The following CDC25B variants were observed in gnomAD, a reference collection of about 807,000 sequenced individuals.
CDC25B encodes M-phase inducer phosphatase 2.
Under a neutral mutation model 69.8 loss-of-function variants are expected in CDC25B, and 33 were observed. That is an observed-to-expected ratio of 0.47 (90% confidence interval 0.36 to 0.63). The LOEUF is 0.63. Among genes scored for constraint, CDC25B ranks in the 30% least tolerant of loss-of-function variants. The pLI, the probability that CDC25B is intolerant of heterozygous loss-of-function variation, is 0.00. For synonymous variants in CDC25B, 341 were observed against 314.6 expected (o/e 1.08, Z -0.89); for missense variants, 727 against 809.1 (o/e 0.90, Z 1.23).
At chr20:3,792,169 C>T (rs2088925949), upstream of CDC25B, among the ~76,000 whole-genome samples, 1 of 152,168 alleles carries the variant, frequency 6.6e-6, no homozygotes, top group Non-Finnish European at 1.5e-5. Flanking sequence ...CTACCTTGGC[C>T]TCCCAAAGTA....
In CDC25B at chr20:3,803,653, C is replaced by A; in HGVS notation, c.1490+116C>A. ...GTGCAAGTCCAGGTCCTCCTCTGTC[C>A]CATCTGATGGCCTAGAGCTGACCTC... On this transcript the variant is annotated intron_variant, in intron 14 of 15. Coordinates refer to ENST00000245960, the MANE Select transcript of CDC25B (RefSeq NM_021873.4). This position sits in a 1 kb window ranked among gnomAD's most constrained non-coding sequence, Gnocchi z 4.9. 1.5e-6 allele frequency: 2 copies of A among 1,320,144 alleles called. No individual in the cohort carries two copies. Among genetic ancestry groups the A allele is most frequent in the African/African-American group, 1.4e-5 (1 of 69,230 alleles). 81.8% of individuals were successfully genotyped at this position (1,320,144 alleles called of 1,614,324 possible).
In CDC25B at chr20:3,798,405, C is replaced by T; in HGVS notation, c.329-7C>T. 6.6e-7 allele frequency: 1 copy of T among 1,509,380 alleles called. No homozygotes were observed. Among genetic ancestry groups the T allele is most frequent in the Non-Finnish European group, 8.9e-7 (1 of 1,125,592 alleles). 93.5% of individuals were successfully genotyped at this position (1,509,380 alleles called of 1,614,324 possible). ...TACTTTCAAACCAAGGTGCTCTGTC[C>T]CCTCAGGTCTCTGCATGGATTCCCC... On this transcript the variant is annotated splice_polypyrimidine_tract_variant and splice_region_variant and intron_variant, in intron 2 of 15. Transcript: ENST00000245960.
rs527370740 is a variant in CDC25B at position 3,801,114 on chromosome 20, C to G, written c.705+21C>G. The G allele has an allele frequency of 3.1e-6, 5 of 1,613,174 alleles. No homozygotes were observed. In the African/African-American group the frequency reaches 4.0e-5, roughly 13 times the overall value. ...TGATGGTACATCCAGAGAGCGGATC[C>G]CTGGGAGGGGCCTGGGGAGGCAGCC... On this transcript the variant is annotated intron_variant, in intron 7 of 15. Transcript: ENST00000245960.
intron 1 of CDC25B, among the ~76,000 whole-genome samples, chr20:3,789,839 A>C (rs1401123299): frequency 6.6e-6 from 1 of 152,070 alleles, no homozygotes; most frequent in Non-Finnish European, 1.5e-5. Context: ...AATACAAAAA[A>C]TTAGCCGGGC....
chr20:3,799,525 T>A (rs6076553), intron 3 of CDC25B, among the ~76,000 whole-genome samples: 1 of 68,688 alleles, frequency 1.5e-5, no homozygotes, highest in African/African-American at 4.8e-5. Context: ...TGTGTGTGTG[T>A]GCGCGCGCGC....
Position 3,800,748 on chromosome 20 carries a change from G to A in CDC25B, c.465G>A (p.Arg155=), listed in dbSNP as rs762236479. The A allele has an allele frequency of 1.9e-6, 3 of 1,608,818 alleles. No homozygotes were observed. Among genetic ancestry groups the A allele is most frequent in the Non-Finnish European group, 2.5e-6 (3 of 1,180,000 alleles). ...AIRRFQSMPV[R]LLGHSPVLRN... is the part of the protein sequence containing the mutation. ...CGCCCTGCCTGGCTCTCTAGGTGAG[G>A]CTGCTGGGCCACAGCCCCGTGCTTC... Residue 155 remains arginine, a synonymous_variant, in exon 6 of 16, where the codon AGG becomes AGA. Coordinates refer to ENST00000245960, the MANE Select transcript of CDC25B (RefSeq NM_021873.4).
rs766796759 is a variant in CDC25B at position 3,801,440 on chromosome 20, C to T, written c.840+52C>T. ...CTACCTTCCTATCCCTGGGTTCGCC[C>T]AAAAGAAGAGAGCTCTGAGCCCTTG... On this transcript the variant is annotated intron_variant, in intron 8 of 15. Coordinates refer to ENST00000245960, the MANE Select transcript of CDC25B (RefSeq NM_021873.4). The T allele has an allele frequency of 5.8e-6, 9 of 1,541,378 alleles. No individual in the cohort carries two copies. The African/African-American group carries it at 1.1e-4, about 19-fold the overall frequency.
At chr20:3,787,156 T>G in intron 1 of CDC25B, 1 of 660,338 alleles carries the variant, frequency 1.5e-6, no homozygotes, top group Non-Finnish European at 2.7e-6. Context: ...TTTTGATACA[T>G]TTCCTTCCAG....
intron 1 of CDC25B, among the ~76,000 whole-genome samples, chr20:3,788,585 A>G (rs537082994): frequency 6.6e-6 from 1 of 152,326 alleles, no homozygotes; most frequent in African/African-American, 2.4e-5. Context: ...TATTCTTTTA[A>G]TCTCAAGGTC....
At chr20:3,802,131 G>A (rs1242708301) in intron 10 of CDC25B, 31 bp downstream of exon 10, 2 of 1,540,120 alleles carry the variant, frequency 1.3e-6, no homozygotes, top group South Asian at 2.4e-5. Context: ...GTTCACTTTG[G>A]CATGCACCTG....
chr20:3,801,616 G>T lies in CDC25B; in HGVS notation c.841-106G>T. The T allele has an allele frequency of 2.7e-6, 3 of 1,118,936 alleles. No individual in the cohort carries two copies. In the South Asian group the frequency reaches 4.7e-5, roughly 17 times the overall value. 69.3% of individuals were successfully genotyped at this position (1,118,936 alleles called of 1,614,324 possible). On this transcript the variant is annotated intron_variant, in intron 8 of 15. Coordinates refer to ENST00000245960, the MANE Select transcript of CDC25B (RefSeq NM_021873.4). The stretch of plus-strand genomic sequence containing the variant: ...TAGGGGAGCTTCTCACCCCAACCTG[G>T]AGTTTGCCAGGGAAACAGGGAAGGC...
chr20:3,800,638 G>A, intron 5 of CDC25B, 105 bp from the exon 6 acceptor site: 2 of 1,591,574 alleles, frequency 1.3e-6, no homozygotes, highest in Non-Finnish European at 1.7e-6. Flanking sequence ...AGGTAGGTAG[G>A]TAAGTGGGAG....
Position 3,803,839 on chromosome 20 carries a change from C to T in CDC25B, c.1490+302C>T, listed in dbSNP as rs184595260. On this transcript the variant is annotated intron_variant, in intron 14 of 15. Transcript: ENST00000245960. This position sits in a 1 kb window ranked among gnomAD's most constrained non-coding sequence, Gnocchi z 4.9. ...CGAAATCTAAGGGCCGCGTGTCAGTCCCCAGTACACGGACCCTCCCCATGT... is the reference window on the plus strand; with the variant it reads ...CGAAATCTAAGGGCCGCGTGTCAGTTCCCAGTACACGGACCCTCCCCATGT... 1.0e-3 allele frequency among the ~76,000 whole-genome samples: 156 copies of T among 152,332 alleles called. No individual in the cohort carries two copies. The highest frequency in any genetic ancestry group is 3.5e-3 in the African/African-American group (145 of 41,560).
chr20:3,799,525 T>TGTGCGCGC (rs1211874383), intron 3 of CDC25B, among the ~76,000 whole-genome samples: 13 of 68,782 alleles, frequency 1.9e-4, no homozygotes, highest in South Asian at 9.1e-4. Context: ...TGTGTGTGTG[T>TGTGCGCGC]GCGCGCGCGC....
chr20:3,802,675 AGT>A, intron 11 of CDC25B: 1 of 605,342 alleles, frequency 1.7e-6, no homozygotes, highest in Non-Finnish European at 2.9e-6. Flanking sequence ...TAGGGAGCAG[AGT>A]GTGGAGTTCA....
intron 8 of CDC25B, 61 bp from the exon 9 acceptor site, chr20:3,801,661 A>G (rs2089287247): frequency 2.2e-6 from 3 of 1,343,048 alleles, no homozygotes; most frequent in Non-Finnish European, 3.1e-6. Context: ...GGATTCCGGG[A>G]CTGGAGGGGT....
intron 4 of CDC25B, 32 bp from the exon 5 acceptor site, chr20:3,800,430 C>G (rs1247314894): frequency 6.2e-7 from 1 of 1,614,114 alleles, no homozygotes; most frequent in South Asian, 1.1e-5. Context: ...CTGCCTCTCC[C>G]AGCTCTCACC....
At position 3,802,118 on chromosome 20, in the gene CDC25B, G is replaced by T; in HGVS notation, c.1098+18G>T. ...AGGAACCTGTGAGTGCCTTCCTCCTGGGGTTCACTTTGGCATGCACCTGGG... is the reference window on the plus strand; with the variant it reads ...AGGAACCTGTGAGTGCCTTCCTCCTTGGGTTCACTTTGGCATGCACCTGGG... On this transcript the variant is annotated intron_variant, in intron 10 of 15. Coordinates refer to ENST00000245960, the MANE Select transcript of CDC25B (RefSeq NM_021873.4). The T allele has an allele frequency of 6.5e-7, 1 of 1,544,218 alleles. No individual in the cohort carries two copies. The highest frequency in any genetic ancestry group is 8.8e-7 in the Non-Finnish European group (1 of 1,141,324).
intron 1 of CDC25B, among the ~76,000 whole-genome samples, chr20:3,789,984 G>C (rs932282291): frequency 1.3e-5 from 2 of 149,214 alleles, no homozygotes; most frequent in African/African-American, 5.1e-5. Context: ...GCAAGACTCT[G>C]TCTCAAAAAA....
Sources: allele counts gnomAD v4.1 joint callset (sites outside exome capture counted in the v4.1 genomes callset), GRCh38; gene constraint gnomAD v4.1.1; non-coding constraint Gnocchi (gnomAD v3.1); transcripts MANE v1.5; gene names NCBI Gene and HGNC (gene_info 2026-07-23, HGNC 2026-07-21).